Variants in CNTN5 observed in about 807,000 individuals in gnomAD.
The protein encoded by CNTN5 is contactin 5, also known as contactin-5.
In CNTN5, 77 loss-of-function variants were observed where a neutral mutation model predicts 129.1. The ratio of observed to expected loss-of-function variants is 0.60; its 90% CI spans 0.50 to 0.72. The LOEUF (loss-of-function observed/expected upper bound fraction) is 0.72. CNTN5 is among the 30% of genes least tolerant of loss of function. The pLI, the probability that CNTN5 is intolerant of heterozygous loss-of-function variation, is 0.00. For synonymous variants in CNTN5, 509 were observed against 465.6 expected (o/e 1.09, Z -1.20); for missense variants, 1,478 against 1,328.8 (o/e 1.11, Z -1.75).
At chr11:99,103,085 T>A (rs966417122) in intron 1 of CNTN5, among the ~76,000 whole-genome samples, 2 of 151,952 alleles carry the variant, frequency 1.3e-5, no homozygotes, top group Non-Finnish European at 2.9e-5. Flanking sequence ...TATAAAACCA[T>A]CAGATCTCGT....
At chr11:99,318,951 C>T (rs1309044583) in intron 1 of CNTN5, among the ~76,000 whole-genome samples, 1 of 152,184 alleles carries the variant, frequency 6.6e-6, no homozygotes, top group African/African-American at 2.4e-5. Context: ...GTCTTATACA[C>T]ATTAGATCAA....
chr11:100,104,795 A>G (rs1398279918), intron 13 of CNTN5, among the ~76,000 whole-genome samples: 1 of 152,136 alleles, frequency 6.6e-6, no homozygotes, highest in Admixed American at 6.5e-5. Flanking sequence ...TTATACCTGA[A>G]TATGCTTACT....
At chr11:99,634,395 G>A (rs779058174) in intron 3 of CNTN5, among the ~76,000 whole-genome samples, 1 of 152,170 alleles carries the variant, frequency 6.6e-6, no homozygotes, top group East Asian at 1.9e-4. Flanking sequence ...ATTGGATTTA[G>A]AAATTCTGAA....
chr11:100,080,793 A>G (rs7945423), intron 13 of CNTN5, among the ~76,000 whole-genome samples: 120,186 of 152,068 alleles, frequency 0.79, 48,332 homozygotes, highest in East Asian at 1. Flanking sequence ...GTATAATGAA[A>G]GAAAATTAGC....
chr11:100,237,144 A>C (rs567805174), intron 16 of CNTN5, among the ~76,000 whole-genome samples: 1 of 149,822 alleles, frequency 6.7e-6, no homozygotes, highest in African/African-American at 2.5e-5. Context: ...AGCCGAGATC[A>C]CAGCACTGCA....
chr11:99,164,131 G>T (rs563341795), intron 1 of CNTN5, among the ~76,000 whole-genome samples: 11 of 152,096 alleles, frequency 7.2e-5, no homozygotes, highest in South Asian at 6.2e-4. Context: ...TTCAAGACCA[G>T]CCTGGCCAAC....
intron 2 of CNTN5, among the ~76,000 whole-genome samples, chr11:99,488,824 T>C (rs548924880): frequency 2.6e-5 from 4 of 152,316 alleles, no homozygotes; most frequent in Middle Eastern, 3.4e-3. Context: ...ATTAGTCATG[T>C]AATTAACAAA....
chr11:99,743,541 A>G (rs1235795604), intron 3 of CNTN5, among the ~76,000 whole-genome samples: 1 of 152,180 alleles, frequency 6.6e-6, no homozygotes, highest in African/African-American at 2.4e-5. Flanking sequence ...TGAAGTACAT[A>G]TAAAGTCGTT....
At chr11:100,349,557 G>A (rs1218783976) in intron 23 of CNTN5, among the ~76,000 whole-genome samples, 1 of 151,812 alleles carries the variant, frequency 6.6e-6, no homozygotes, top group African/African-American at 2.4e-5. Context: ...ACAAAATTTA[G>A]TAACTTGCCC....
intron 2 of CNTN5, among the ~76,000 whole-genome samples, chr11:99,349,838 T>C: frequency 6.6e-6 from 1 of 152,198 alleles, no homozygotes. Flanking sequence ...GAAACTAATA[T>C]TCTAGAATAA....
At chr11:99,265,740 T>C (rs929292467) in intron 1 of CNTN5, among the ~76,000 whole-genome samples, 3 of 152,060 alleles carry the variant, frequency 2.0e-5, no homozygotes, top group African/African-American at 7.2e-5. Flanking sequence ...TACAACAGTA[T>C]TACTTATTGC....
intron 18 of CNTN5, among the ~76,000 whole-genome samples, chr11:100,271,971 T>C (rs756677670): frequency 6.6e-6 from 1 of 152,206 alleles, no homozygotes; most frequent in Non-Finnish European, 1.5e-5. Flanking sequence ...TTGAGGTCTT[T>C]TATGTCCCTC....
chr11:99,617,661 G>A (rs1565352865), intron 3 of CNTN5, among the ~76,000 whole-genome samples: 1 of 152,078 alleles, frequency 6.6e-6, no homozygotes, highest in Non-Finnish European at 1.5e-5. Flanking sequence ...GGAATATTGA[G>A]ATCAATATAT....
chr11:99,311,766 T>C (rs1865126310), intron 1 of CNTN5, among the ~76,000 whole-genome samples: 3 of 152,218 alleles, frequency 2.0e-5, no homozygotes. Context: ...TTTGTTGTAG[T>C]ATTAAAACTG....
At chr11:100,096,748 C>T (rs73563128) in intron 13 of CNTN5, among the ~76,000 whole-genome samples, 8,170 of 152,174 alleles carry the variant, frequency 0.054, 721 homozygotes, top group African/African-American at 0.19. Flanking sequence ...TTTCTACCAG[C>T]ATATTAGTCT....
intron 16 of CNTN5, among the ~76,000 whole-genome samples, 184 bp from the exon 17 acceptor site, chr11:100,255,576 G>A (rs1044400150): frequency 2.0e-5 from 3 of 152,086 alleles, no homozygotes; most frequent in Non-Finnish European, 4.4e-5. Context: ...CTACAATTAA[G>A]TTTCCCCCAG....
At chr11:100,216,232 C>T (rs1286499311) in intron 15 of CNTN5, among the ~76,000 whole-genome samples, 1 of 152,098 alleles carries the variant, frequency 6.6e-6, no homozygotes, top group Non-Finnish European at 1.5e-5. Context: ...AGGCAGGTAT[C>T]TGAGTATTCT....
chr11:99,644,730 T>C (rs887020880), intron 3 of CNTN5, among the ~76,000 whole-genome samples: 1 of 152,136 alleles, frequency 6.6e-6, no homozygotes, highest in South Asian at 2.1e-4. Flanking sequence ...GCACTACAAG[T>C]TATTGATATA....
chr11:99,674,720 A>C (rs2135956227), intron 3 of CNTN5, among the ~76,000 whole-genome samples: 1 of 152,262 alleles, frequency 6.6e-6, no homozygotes, highest in South Asian at 2.1e-4. Flanking sequence ...CCCCACAAAA[A>C]ATCCCTTCTT....
Sources: allele counts gnomAD v4.1 joint callset (sites outside exome capture counted in the v4.1 genomes callset), GRCh38; gene constraint gnomAD v4.1.1; transcripts MANE v1.5; gene names NCBI Gene and HGNC (gene_info 2026-07-23, HGNC 2026-07-21).